Variants in GRIA4 observed in about 807,000 individuals in gnomAD.
GRIA4 encodes the protein glutamate ionotropic receptor AMPA type subunit 4, also known as glutamate receptor 4.
In GRIA4, 34 loss-of-function variants were observed where a neutral mutation model predicts 104.0. That is an observed-to-expected ratio of 0.33 (90% CI 0.25 to 0.44). The LOEUF (loss-of-function observed/expected upper bound fraction) is 0.44, where lower values mean the gene tolerates loss of function less well. GRIA4 is among the 20% of genes least tolerant of loss of function. GRIA4 has a pLI of 1.00. For missense variants in GRIA4, 750 were observed against 1,096.5 expected (o/e 0.68, Z 4.46); for synonymous variants, 386 against 381.9 (o/e 1.01, Z -0.13).
chr11:105,780,287 T>C (rs1941668800), intron 4 of GRIA4, among the ~76,000 whole-genome samples: 2 of 152,146 alleles, frequency 1.3e-5, no homozygotes, highest in South Asian at 2.1e-4. Context: ...ACCTGAATAA[T>C]AGAAACATGA....
intron 13 of GRIA4, among the ~76,000 whole-genome samples, chr11:105,931,441 C>T (rs1266932275): frequency 2.0e-5 from 3 of 151,946 alleles, no homozygotes; most frequent in Non-Finnish European, 2.9e-5. Flanking sequence ...TGGTGGCTCA[C>T]GCCTGAAATC....
intron 3 of GRIA4, among the ~76,000 whole-genome samples, chr11:105,644,439 A>T (rs1951465537): frequency 4.3e-5 from 2 of 46,164 alleles, no homozygotes; most frequent in South Asian, 6.7e-4. Flanking sequence ...TAAAGATACA[A>T]AAAAAAAAAA....
intron 3 of GRIA4, among the ~76,000 whole-genome samples, chr11:105,665,919 C>A (rs1293418609): frequency 1.3e-5 from 2 of 151,998 alleles, no homozygotes; most frequent in African/African-American, 2.4e-5. Context: ...TGCTTGCTTG[C>A]ATGTACGTGA....
chr11:105,944,545 T>C (rs1374151413), intron 14 of GRIA4, among the ~76,000 whole-genome samples: 2 of 151,112 alleles, frequency 1.3e-5, no homozygotes, highest in African/African-American at 4.9e-5. Flanking sequence ...GATAAAGTAA[T>C]TCAAATAAGA....
chr11:105,797,210 A>AAAAT (rs1219457652), intron 4 of GRIA4, among the ~76,000 whole-genome samples: 1 of 152,150 alleles, frequency 6.6e-6, no homozygotes, highest in Non-Finnish European at 1.5e-5. Flanking sequence ...CCCTGTCTTG[A>AAAAT]AAATAAATAA....
intron 4 of GRIA4, among the ~76,000 whole-genome samples, chr11:105,848,483 T>C (rs537406212): frequency 1.3e-5 from 2 of 152,310 alleles, no homozygotes; most frequent in Admixed American, 6.5e-5. Flanking sequence ...AATGAAAGCA[T>C]AGTGAAAGTT....
chr11:105,699,302 G>A (rs1953399447), intron 3 of GRIA4, among the ~76,000 whole-genome samples: 1 of 152,076 alleles, frequency 6.6e-6, no homozygotes, highest in African/African-American at 2.4e-5. Flanking sequence ...CTTGTTATTT[G>A]ATTTCAAATA....
At chr11:105,878,693 C>T (rs1324767176) in intron 5 of GRIA4, among the ~76,000 whole-genome samples, 3 of 152,166 alleles carry the variant, frequency 2.0e-5, no homozygotes, top group African/African-American at 7.2e-5. Context: ...GTTCAAACTT[C>T]CTGGAGACTT....
At chr11:105,717,341 G>C (rs934031454) in intron 3 of GRIA4, among the ~76,000 whole-genome samples, 22 of 151,942 alleles carry the variant, frequency 1.4e-4, no homozygotes, top group Non-Finnish European at 2.4e-4. Context: ...AAATCTTAAT[G>C]GGAATTCTGC....
chr11:105,898,691 T>A (rs1282816101), intron 7 of GRIA4, among the ~76,000 whole-genome samples: 1 of 152,168 alleles, frequency 6.6e-6, no homozygotes, highest in Non-Finnish European at 1.5e-5. Context: ...GAATTAAATT[T>A]TTTTTAATTG....
At chr11:105,959,030 G>C (rs928363871) in intron 14 of GRIA4, among the ~76,000 whole-genome samples, 7 of 152,096 alleles carry the variant, frequency 4.6e-5, no homozygotes, top group Admixed American at 3.9e-4. Flanking sequence ...TGCCTCTCTG[G>C]CTGCCCTGAA....
At chr11:105,838,076 G>A (rs1159029532) in intron 4 of GRIA4, among the ~76,000 whole-genome samples, 8 of 151,750 alleles carry the variant, frequency 5.3e-5, no homozygotes, top group Admixed American at 5.3e-4. Flanking sequence ...ATAAAAAGCT[G>A]GTTACAATGC....
intron 4 of GRIA4, among the ~76,000 whole-genome samples, chr11:105,772,899 G>A (rs1741939227): frequency 1.3e-5 from 2 of 151,952 alleles, no homozygotes; most frequent in Admixed American, 6.6e-5. Context: ...GACATTTATT[G>A]TAAAACAAGA....
At chr11:105,743,525 A>G (rs1031082331) in intron 3 of GRIA4, among the ~76,000 whole-genome samples, 1 of 152,150 alleles carries the variant, frequency 6.6e-6, no homozygotes, top group Non-Finnish European at 1.5e-5. Context: ...AGAGGTTTTC[A>G]CCGCACATTG....
At chr11:105,662,282 A>T (rs2135414143) in intron 3 of GRIA4, among the ~76,000 whole-genome samples, 1 of 151,990 alleles carries the variant, frequency 6.6e-6, no homozygotes, top group East Asian at 1.9e-4. Flanking sequence ...AGCTTGTCTG[A>T]GTGCATGTAT....
chr11:105,834,555 A>G (rs1337374166), intron 4 of GRIA4, among the ~76,000 whole-genome samples: 1 of 152,036 alleles, frequency 6.6e-6, no homozygotes, highest in Non-Finnish European at 1.5e-5. Context: ...TCTCTGTGGG[A>G]AGCATACTGG....
chr11:105,648,473 A>G (rs1951592996), intron 3 of GRIA4, among the ~76,000 whole-genome samples: 1 of 151,610 alleles, frequency 6.6e-6, no homozygotes, highest in Non-Finnish European at 1.5e-5. Flanking sequence ...AATGCTTTAT[A>G]CGCTAAAGTT....
intron 3 of GRIA4, among the ~76,000 whole-genome samples, chr11:105,654,626 T>C (rs1482868605): frequency 6.6e-6 from 1 of 152,162 alleles, no homozygotes; most frequent in Non-Finnish European, 1.5e-5. Flanking sequence ...TCTGGTATAA[T>C]TGCTGGCTAC....
At chr11:105,959,303 T>A (rs1260259081) in intron 14 of GRIA4, among the ~76,000 whole-genome samples, 1 of 152,196 alleles carries the variant, frequency 6.6e-6, no homozygotes, top group Non-Finnish European at 1.5e-5. Flanking sequence ...TTCATTCTTT[T>A]TCATTCTTTT....
Sources: gnomAD v4.1 joint callset for allele counts (sites outside exome capture counted in the v4.1 genomes callset) on GRCh38, gnomAD v4.1.1 for gene constraint, MANE v1.5 for transcripts, NCBI Gene and HGNC (gene_info 2026-07-23, HGNC 2026-07-21) for gene names.